The following CYP4A11 variants were observed in gnomAD, a reference collection of about 807,000 sequenced individuals.
The protein encoded by CYP4A11 is cytochrome P450 4A11.
In CYP4A11, 52 loss-of-function variants were observed where a neutral mutation model predicts 57.7. The ratio of observed to expected loss-of-function variants is 0.90; its 90% confidence interval spans 0.72 to 1.14. The LOEUF is 1.14. Ranked by LOEUF, CYP4A11 falls within the 50% of genes most tolerant of loss-of-function variation. The pLI, the probability that CYP4A11 is intolerant of heterozygous loss-of-function variation, is 0.00. For missense variants in CYP4A11, 641 were observed against 642.1 expected (o/e 1.00, Z 0.02); for synonymous variants, 228 against 247.1 (o/e 0.92, Z 0.72).
chr1:46,929,942 G>T lies in CYP4A11; in HGVS notation c.*173C>A. On this transcript the variant is annotated 3_prime_UTR_variant, in exon 12 of 12. Transcript: ENST00000310638. ...AGAGATACAGGTGGGTAGGAGACAG[G>T]TAGACAAGCAGGTAGGGAGCCTGGA... is the stretch of plus-strand genomic sequence containing the variant. 1 of 919,964 alleles carries T rather than the reference G, an allele frequency of 1.1e-6. No individual in the cohort carries two copies. The highest frequency in any genetic ancestry group is 3.0e-5 in the Admixed American group (1 of 33,670). The allele number at this position is 919,964 out of a possible 1,614,324, so 57.0% of individuals were successfully genotyped here. A position where few individuals can be genotyped will look rare whatever the true frequency, so the allele number is the denominator to read the frequency against.
intron 11 of CYP4A11, chr1:46,931,468 C>A (rs976697513): frequency 1.2e-6 from 1 of 833,544 alleles, no homozygotes; most frequent in African/African-American, 1.8e-5. Context: ...TCTCTGTTTT[C>A]TCATCATGCT....
intron 1 of CYP4A11, among the ~76,000 whole-genome samples, chr1:46,938,570 T>G (rs1557560305): frequency 6.6e-6 from 1 of 152,332 alleles, no homozygotes; most frequent in South Asian, 2.1e-4. Flanking sequence ...TCCCAGCATA[T>G]ACGGTAAATA....
At position 46,941,068 on chromosome 1, in the gene CYP4A11, A is replaced by G. The variant is rs570352752; in HGVS notation, c.195+171T>C. 3.6e-5 allele frequency: 34 copies of G among 953,600 alleles called. 1 individual carries two copies. The South Asian group carries it at 1.3e-3, about 37-fold the overall frequency. The allele number at this position is 953,600 out of a possible 1,614,324, so 59.1% of individuals were successfully genotyped here. ...ACCAGCAGGATGGGCTTCATGGGAG[A>G]AGTGAGCTCCTCATGACTGGGAAAA... On this transcript the variant is annotated intron_variant, in intron 1 of 11. Coordinates refer to ENST00000310638, the MANE Select transcript of CYP4A11 (RefSeq NM_000778.4).
chr1:46,937,147 G>A (rs1274596588), intron 3 of CYP4A11, among the ~76,000 whole-genome samples, 155 bp downstream of exon 3: 4 of 152,170 alleles, frequency 2.6e-5, no homozygotes, highest in Non-Finnish European at 5.9e-5. Context: ...CCAGCATTAG[G>A]AAGGGGTGAG....
At position 46,930,855 on chromosome 1, in the gene CYP4A11, GC is replaced by G. The variant is rs1267624213; in HGVS notation, c.1365-546del. ...AACTGGGTGGGTGATCCTCAGTGTT[GC>G]CCCACCTGCCTCCCACCCCAGGGTC... On this transcript the variant is annotated intron_variant, in intron 11 of 11. Coordinates refer to ENST00000310638, the MANE Select transcript of CYP4A11 (RefSeq NM_000778.4). Among the ~76,000 whole-genome samples the G allele has an allele frequency of 2.6e-5, 4 of 152,188 alleles. No homozygotes were observed. In the East Asian group the frequency reaches 7.8e-4, roughly 30 times the overall value.
intron 1 of CYP4A11, among the ~76,000 whole-genome samples, chr1:46,939,736 A>C (rs9332996): frequency 0.11 from 15,630 of 138,628 alleles, 1,188 homozygotes; most frequent in South Asian, 0.2. Context: ...GGGCCTTGAC[A>C]GATAGATATG....
At chr1:46,935,208 A>T (rs1455567637) in intron 5 of CYP4A11, 54 bp from the exon 6 acceptor site, 1 of 1,578,546 alleles carries the variant, frequency 6.3e-7, no homozygotes, top group African/African-American at 1.3e-5. Context: ...ATTACCCGGA[A>T]GTAGAATGGG....
chr1:46,935,621 C>T lies in CYP4A11; in HGVS notation c.537G>A (p.Gln179=). ...MLDKWEELLG[Q]DSPLEVFQHV... ...GCTGAAAGACCTCCAGAGGGGAATC[C>T]TGGCCAAGGAGCTCTTCCCATTTGT... is the stretch of plus-strand genomic sequence containing the variant. Residue 179 remains glutamine (Q), a synonymous_variant, in exon 5 of 12, where the codon CAG becomes CAA. Transcript: ENST00000310638. 1 of 1,613,874 alleles carries T rather than the reference C, an allele frequency of 6.2e-7. No homozygotes were observed. Among genetic ancestry groups the T allele is most frequent in the Non-Finnish European group, 8.5e-7 (1 of 1,179,822 alleles).
intron 11 of CYP4A11, chr1:46,931,967 T>C: frequency 1.0e-6 from 1 of 985,162 alleles, no homozygotes. Context: ...TCAAATGTTG[T>C]GCGTTATATG....
At chr1:46,937,376 A>T in intron 2 of CYP4A11, 30 bp from the exon 3 acceptor site, 2 of 1,608,926 alleles carry the variant, frequency 1.2e-6, no homozygotes, top group Non-Finnish European at 1.7e-6. Flanking sequence ...TTTATAGGAA[A>T]CTAGGAGTTA....
intron 1 of CYP4A11, among the ~76,000 whole-genome samples, chr1:46,939,336 T>C (rs762377895): frequency 5.9e-5 from 9 of 152,144 alleles, no homozygotes; most frequent in Non-Finnish European, 5.9e-5. Context: ...TGCGTTAGGA[T>C]ACAGCTGTGG....
Position 46,930,198 on chromosome 1 carries a change from G to C in CYP4A11, c.1477C>G (p.Arg493Gly). ...CCATTTTTGGATTTCAACACAAGTC[G>C]TGCAATGGGGATGGGGATCCTGGTG... ...DPTRIPIPIA[R>G]LVLKSKNGIH... is the part of the protein sequence containing the mutation. Residue 493 changes from arginine to glycine, a missense_variant, in exon 12 of 12, where the codon CGA becomes GGA. Coordinates refer to ENST00000310638, the MANE Select transcript of CYP4A11 (RefSeq NM_000778.4). 6.2e-7 allele frequency: 1 copy of C among 1,613,986 alleles called. No individual in the cohort carries two copies. The highest frequency in any genetic ancestry group is 8.5e-7 in the Non-Finnish European group (1 of 1,179,992).
At chr1:46,940,510 G>C (rs1570114763) in intron 1 of CYP4A11, among the ~76,000 whole-genome samples, 1 of 152,116 alleles carries the variant, frequency 6.6e-6, no homozygotes, top group East Asian at 1.9e-4. Context: ...CCGGGTGTGT[G>C]GGAGGAGAGC....
In CYP4A11 at chr1:46,932,775, G is replaced by C. The variant is rs1327283629; in HGVS notation, c.1350C>G (p.Phe450Leu). The C allele has an allele frequency of 5.6e-6, 9 of 1,614,068 alleles. No individual in the cohort carries two copies. Among genetic ancestry groups the C allele is most frequent in the Non-Finnish European group, 7.6e-6 (9 of 1,180,048 alleles). Residue 450 changes from phenylalanine to leucine, a missense_variant, in exon 11 of 12, where the codon TTC becomes TTG. Coordinates refer to ENST00000310638, the MANE Select transcript of CYP4A11 (RefSeq NM_000778.4). ...GGACGTCTCACCTTGATCCTCCTGA[G>C]AAGGGCAGGAAAGCGTGGCTGTGTT... is the stretch of plus-strand genomic sequence containing the variant. ...SAQHSHAFLP[F>L]SGGSRNCIGK... is the part of the protein sequence containing the mutation.
Position 46,930,280 on chromosome 1 carries a change from G to T in CYP4A11, c.1395C>A (p.Asn465Lys). ...TCAGGGCCGTGGCCACCTTCAGCTCGTTCATGGCAAATTGTTTCCCGATGC... is the reference window on the plus strand; with the variant it reads ...TCAGGGCCGTGGCCACCTTCAGCTCTTTCATGGCAAATTGTTTCCCGATGC... ...RNCIGKQFAM[N>K]ELKVATALTL... The change falls in exon 12 of 12, where the codon AAC becomes AAA. Residue 465 changes from asparagine (N) to lysine (K), a missense_variant. Asn to Lys is a moderately conservative substitution (Grantham distance 94). Coordinates refer to ENST00000310638, the MANE Select transcript of CYP4A11 (RefSeq NM_000778.4). 1 of 1,613,560 alleles carries T rather than the reference G, an allele frequency of 6.2e-7. No individual in the cohort carries two copies. Among genetic ancestry groups the T allele is most frequent in the Non-Finnish European group, 8.5e-7 (1 of 1,179,748 alleles).
intron 4 of CYP4A11, among the ~76,000 whole-genome samples, chr1:46,936,444 T>C (rs1357196248): frequency 2.0e-5 from 3 of 152,228 alleles, no homozygotes; most frequent in African/African-American, 7.2e-5. Flanking sequence ...TGAATCTCTA[T>C]TCCTATGGTG....
At chr1:46,935,733 T>C in intron 4 of CYP4A11, 86 bp from the exon 5 acceptor site, 1 of 1,554,144 alleles carries the variant, frequency 6.4e-7, no homozygotes, top group Non-Finnish European at 8.7e-7. Flanking sequence ...CCTGCAGATA[T>C]CCTGTTTTTT....
At chr1:46,935,807 CTG>C (rs1454888325) in intron 4 of CYP4A11, among the ~76,000 whole-genome samples, 160 bp from the exon 5 acceptor site, 1 of 152,246 alleles carries the variant, frequency 6.6e-6, no homozygotes, top group East Asian at 1.9e-4. Context: ...ATTGTAGAAA[CTG>C]AGACTGTAAA....
chr1:46,932,132 C>T lies in CYP4A11; in HGVS notation c.1364+629G>A, dbSNP rs1323787129. Reference sequence around the variant, plus strand: ...GGGAAAATAGATGTAAATATGTGAACACTATATAATGCAGTAAAAATTTCA... The same window carrying T: ...GGGAAAATAGATGTAAATATGTGAATACTATATAATGCAGTAAAAATTTCA... On this transcript the variant is annotated intron_variant, in intron 11 of 11. Coordinates refer to ENST00000310638, the MANE Select transcript of CYP4A11 (RefSeq NM_000778.4). The T allele has an allele frequency of 1.4e-5, 14 of 976,538 alleles. 1 individual carries two copies. The highest frequency in any genetic ancestry group is 4.7e-5 in the South Asian group (1 of 21,204). The allele number at this position is 976,538 out of a possible 1,614,324, so 60.5% of individuals were successfully genotyped here. A position where few individuals can be genotyped will look rare whatever the true frequency, so the allele number is the denominator to read the frequency against.
Sources: allele counts gnomAD v4.1 joint callset (sites outside exome capture counted in the v4.1 genomes callset), GRCh38; gene constraint gnomAD v4.1.1; transcripts MANE v1.5; gene names NCBI Gene and HGNC (gene_info 2026-07-23, HGNC 2026-07-21).